The following CRACR2A variants were observed in gnomAD, a reference collection of about 807,000 sequenced individuals.
CRACR2A encodes the protein calcium release activated channel regulator 2A.
CRACR2A carries 79 observed loss-of-function variants against 90.5 expected under a neutral mutation model. The observed-to-expected ratio is 0.87, with a 90% CI of 0.73 to 1.05. The LOEUF is 1.05. Ranked by LOEUF, CRACR2A falls within the 50% of genes least tolerant of loss-of-function variation. CRACR2A has a pLI of 0.00. For synonymous variants in CRACR2A, 338 were observed against 356.7 expected (o/e 0.95, Z 0.59); for missense variants, 823 against 897.2 (o/e 0.92, Z 1.06).
At chr12:3,719,633 C>A (rs1257564862) in intron 2 of CRACR2A, among the ~76,000 whole-genome samples, 1 of 152,150 alleles carries the variant, frequency 6.6e-6, no homozygotes, top group Non-Finnish European at 1.5e-5. Flanking sequence ...TAATGAAATT[C>A]CCTCTGAGAT....
intron 2 of CRACR2A, among the ~76,000 whole-genome samples, chr12:3,713,705 A>G (rs1048807762): frequency 3.4e-4 from 51 of 152,166 alleles, no homozygotes. Context: ...ACACCACAGG[A>G]GCTCACCTTT....
chr12:3,726,427 A>G (rs1946265633), intron 2 of CRACR2A: 1 of 152,140 alleles, frequency 6.6e-6, no homozygotes, highest in Non-Finnish European at 1.5e-5. Flanking sequence ...ACTTCCACCT[A>G]CCTATAATGG....
At chr12:3,678,639 G>A (rs1464041733) in intron 6 of CRACR2A, among the ~76,000 whole-genome samples, 1 of 152,082 alleles carries the variant, frequency 6.6e-6, no homozygotes, top group Non-Finnish European at 1.5e-5. Context: ...ATAATGCATG[G>A]CCAGGAGTGA....
chr12:3,698,900 G>A (rs1205642832), intron 3 of CRACR2A, among the ~76,000 whole-genome samples: 1 of 152,058 alleles, frequency 6.6e-6, no homozygotes, highest in Non-Finnish European at 1.5e-5. Flanking sequence ...TGTCTTCCTG[G>A]TACCTTGCCG....
intron 15 of CRACR2A, among the ~76,000 whole-genome samples, chr12:3,628,112 TCCCTCCCTCCCTCCCTTCCTTCA>T (rs1944306328): frequency 7.1e-6 from 1 of 141,444 alleles, no homozygotes; most frequent in Non-Finnish European, 1.6e-5. Context: ...CCTCTCTCTT[TCCCTCCCTCCCTCCCTTCCTTCA>T]CCCTTCCTCC....
intron 1 of CRACR2A, among the ~76,000 whole-genome samples, chr12:3,735,595 G>C (rs555280985): frequency 2.0e-5 from 3 of 152,300 alleles, no homozygotes; most frequent in Non-Finnish European, 4.4e-5. Context: ...GTAGTTCAAG[G>C]ATTAGCCCCA....
chr12:3,639,457 A>AACACACACACACACACACACACAT (rs9300301), intron 13 of CRACR2A, among the ~76,000 whole-genome samples: 1 of 139,466 alleles, frequency 7.2e-6, no homozygotes, highest in East Asian at 2.1e-4. Flanking sequence ...CCAGAATTGA[A>AACACACACACACACACACACACAT]ACACACACAC....
Position 3,702,503 on chromosome 12 carries a change from C to G in CRACR2A, c.-36-5468G>C, listed in dbSNP as rs190391956. Reference sequence around the variant, plus strand: ...TGATAATCAATTGTATTTATCTATACTAACAAAAAAAAATTAAAATTGAAA... The same window carrying G: ...TGATAATCAATTGTATTTATCTATAGTAACAAAAAAAAATTAAAATTGAAA... On this transcript the variant is annotated intron_variant, in intron 3 of 19. Transcript: ENST00000440314. Among the ~76,000 whole-genome samples, 1,232 of 144,336 alleles carry G rather than the reference C, an allele frequency of 8.5e-3. 15 individuals are homozygous for G. Among genetic ancestry groups the G allele is most frequent in the African/African-American group, 0.029 (1,170 of 41,034 alleles). 94.7% of individuals were successfully genotyped at this position (144,336 alleles called of 152,430 possible).
At chr12:3,656,190 T>C (rs778211665) in intron 9 of CRACR2A, 121 bp downstream of exon 9, 53 of 873,690 alleles carry the variant, frequency 6.1e-5, no homozygotes, top group Non-Finnish European at 9.6e-5. Flanking sequence ...CGCGACTAAA[T>C]AGTTCTTCTC....
chr12:3,643,742 C>A, intron 12 of CRACR2A, among the ~76,000 whole-genome samples: 1 of 123,358 alleles, frequency 8.1e-6, no homozygotes, highest in African/African-American at 3.1e-5. Flanking sequence ...TATACACATA[C>A]ATACATATAT....
chr12:3,644,385 G>A (rs918223101), intron 12 of CRACR2A, among the ~76,000 whole-genome samples: 1 of 152,138 alleles, frequency 6.6e-6, no homozygotes, highest in African/African-American at 2.4e-5. Flanking sequence ...TGTGCCAAGA[G>A]GAAACTGCAT....
chr12:3,631,226 T>C (rs892055070), intron 15 of CRACR2A, among the ~76,000 whole-genome samples: 3 of 152,222 alleles, frequency 2.0e-5, no homozygotes, highest in Non-Finnish European at 4.4e-5. Flanking sequence ...TTTGATATTT[T>C]TTCCCCTTCC....
At chr12:3,640,784 G>C in intron 13 of CRACR2A, 1 of 1,305,386 alleles carries the variant, frequency 7.7e-7, no homozygotes, top group South Asian at 1.2e-5. Context: ...GGCCATCTAT[G>C]TGGACACAGC....
At chr12:3,720,813 C>T (rs1292790804) in intron 2 of CRACR2A, among the ~76,000 whole-genome samples, 4 of 152,206 alleles carry the variant, frequency 2.6e-5, no homozygotes, top group African/African-American at 9.6e-5. Flanking sequence ...CCACTCCCAC[C>T]CAGGTGAAAC....
chr12:3,671,871 G>C (rs1239901158), intron 7 of CRACR2A, among the ~76,000 whole-genome samples: 1 of 152,196 alleles, frequency 6.6e-6, no homozygotes, highest in Non-Finnish European at 1.5e-5. Context: ...GATGGATACT[G>C]TCCCTATCTT....
rs371925586 is a variant in CRACR2A at position 3,632,626 on chromosome 12, G to C, written c.1735+978C>G. Among the ~76,000 whole-genome samples the C allele has an allele frequency of 1.8e-4, 27 of 152,290 alleles. No homozygotes were observed. In the East Asian group the frequency reaches 4.4e-3, roughly 25 times the overall value. On this transcript the variant is annotated intron_variant, in intron 15 of 19. Transcript: ENST00000440314. ...CTATGGCATGGAAGAGAAGGTAGTTGAGGGGAAGGTATCAGCACCAACCAA... is the reference window on the plus strand; with the variant it reads ...CTATGGCATGGAAGAGAAGGTAGTTCAGGGGAAGGTATCAGCACCAACCAA...
At chr12:3,665,490 T>G (rs1258932920) in intron 7 of CRACR2A, among the ~76,000 whole-genome samples, 3 of 152,264 alleles carry the variant, frequency 2.0e-5, no homozygotes, top group African/African-American at 7.2e-5. Context: ...CTACTTCAGA[T>G]AGAAGTTGTG....
At chr12:3,689,101 A>C (rs192601602) in intron 4 of CRACR2A, among the ~76,000 whole-genome samples, 3 of 152,294 alleles carry the variant, frequency 2.0e-5, no homozygotes, top group Admixed American at 1.3e-4. Context: ...GGCTGAGACT[A>C]TGGGGTTTTT....
At chr12:3,689,690 G>A (rs1260799514) in intron 4 of CRACR2A, among the ~76,000 whole-genome samples, 1 of 152,004 alleles carries the variant, frequency 6.6e-6, no homozygotes, top group African/African-American at 2.4e-5. Context: ...TTGATATCAG[G>A]ATGATGCTGG....
Sources: gnomAD v4.1 joint callset for allele counts (sites outside exome capture counted in the v4.1 genomes callset) on GRCh38, gnomAD v4.1.1 for gene constraint, MANE v1.5 for transcripts, NCBI Gene and HGNC (gene_info 2026-07-23, HGNC 2026-07-21) for gene names.